Variants in PVT1 observed in about 807,000 individuals in gnomAD.
The protein encoded by PVT1 is CXCR4/PVT1 fusion.
intron 2 of PVT1, among the ~76,000 whole-genome samples, chr8:127,864,221 G>T (rs1480880754): frequency 6.6e-6 from 1 of 152,140 alleles, no homozygotes; most frequent in African/African-American, 2.4e-5. Flanking sequence ...TTCAGTGTGG[G>T]TTGGAATGCT....
chr8:127,830,777 C>T (rs1332207317), intron 2 of PVT1, among the ~76,000 whole-genome samples: 1 of 152,006 alleles, frequency 6.6e-6, no homozygotes, highest in Non-Finnish European at 1.5e-5. Flanking sequence ...AAGGCAGACC[C>T]ACCCTTAAGC....
chr8:128,043,830 C>CTGTTT (rs1244929006), intron 4 of PVT1, among the ~76,000 whole-genome samples: 2,229 of 116,226 alleles, frequency 0.019, 109 homozygotes, highest in African/African-American at 0.067. Flanking sequence ...AACATCTTGT[C>CTGTTT]TTTTTTTTTT....
intron 5 of PVT1, among the ~76,000 whole-genome samples, chr8:128,079,160 C>G (rs1475460365): frequency 1.3e-5 from 2 of 152,080 alleles, no homozygotes; most frequent in African/African-American, 4.8e-5. Context: ...TTGTGATGAA[C>G]TACAGGTTGC....
At chr8:127,944,290 A>T (rs1026585521) in intron 3 of PVT1, among the ~76,000 whole-genome samples, 3 of 152,064 alleles carry the variant, frequency 2.0e-5, no homozygotes, top group Non-Finnish European at 4.4e-5. Context: ...TAGAGAAGGG[A>T]ATGTAAGTCA....
intron 3 of PVT1, among the ~76,000 whole-genome samples, chr8:127,960,367 AG>A (rs923222692): frequency 1.5e-4 from 23 of 152,100 alleles, no homozygotes; most frequent in Non-Finnish European, 1.5e-5. Context: ...TGCCTCCTGG[AG>A]GCCTGTAGAT....
At chr8:127,946,290 A>G (rs1816419764) in intron 3 of PVT1, among the ~76,000 whole-genome samples, 1 of 152,248 alleles carries the variant, frequency 6.6e-6, no homozygotes, top group African/African-American at 2.4e-5. Flanking sequence ...TGTAAGAGCA[A>G]GCAAAACAGA....
intron 3 of PVT1, among the ~76,000 whole-genome samples, chr8:127,975,697 C>T (rs990464356): frequency 6.6e-6 from 1 of 152,216 alleles, no homozygotes; most frequent in African/African-American, 2.4e-5. Context: ...TCAAACTTAA[C>T]AGTTGTCCCC....
intron 3 of PVT1, among the ~76,000 whole-genome samples, chr8:127,961,477 G>A (rs1816642136): frequency 6.6e-6 from 1 of 152,212 alleles, no homozygotes; most frequent in South Asian, 2.1e-4. Flanking sequence ...AGGAAATGCG[G>A]AGGTGATGGG....
rs138620952 is a variant in PVT1 at position 127,814,426 on chromosome 8, A to G, written n.372+18355A>G. Reference sequence around the variant, plus strand: ...TTCTTCCCCAGCTCAGGAGGGGCTGAGTTGTGTCTTAATGAGCAGTTCCAG... The same window carrying G: ...TTCTTCCCCAGCTCAGGAGGGGCTGGGTTGTGTCTTAATGAGCAGTTCCAG... On this transcript the variant is annotated intron_variant and non_coding_transcript_variant, in intron 2 of 10. Transcript: ENST00000651587. Among the ~76,000 whole-genome samples the G allele has an allele frequency of 4.9e-3, 741 of 152,230 alleles. 6 individuals carry two copies. The highest frequency in any genetic ancestry group is 0.017 in the African/African-American group (696 of 41,538).
At chr8:127,839,543 C>T (rs1814948598) in intron 2 of PVT1, among the ~76,000 whole-genome samples, 1 of 139,106 alleles carries the variant, frequency 7.2e-6, no homozygotes, top group East Asian at 2.1e-4. Context: ...GAGTGAGATC[C>T]TATCTCAAAA....
At chr8:127,817,320 C>T (rs1250620864) in intron 2 of PVT1, among the ~76,000 whole-genome samples, 1 of 148,734 alleles carries the variant, frequency 6.7e-6, no homozygotes, top group African/African-American at 2.5e-5. Context: ...CTGTCTACCT[C>T]AGTAGTTTCC....
chr8:127,866,463 G>A (rs983509856), intron 2 of PVT1, among the ~76,000 whole-genome samples: 3 of 152,146 alleles, frequency 2.0e-5, no homozygotes, highest in African/African-American at 7.2e-5. Flanking sequence ...CATAGGCACT[G>A]GGACATCCTG....
chr8:127,978,790 A>G (rs1467574654), intron 3 of PVT1, among the ~76,000 whole-genome samples: 2 of 147,642 alleles, frequency 1.4e-5, no homozygotes, highest in Non-Finnish European at 2.9e-5. Context: ...CCGGACCATT[A>G]TTATTATAAT....
intron 4 of PVT1, among the ~76,000 whole-genome samples, chr8:128,008,364 C>T (rs1337787317): frequency 6.6e-6 from 1 of 152,194 alleles, no homozygotes; most frequent in South Asian, 2.1e-4. Context: ...TGACTTGTTA[C>T]AAATATCGAC....
At chr8:127,971,977 CA>C (rs1276950148) in intron 3 of PVT1, among the ~76,000 whole-genome samples, 12 of 152,238 alleles carry the variant, frequency 7.9e-5, no homozygotes, top group African/African-American at 2.7e-4. Context: ...CTCCTCTACT[CA>C]GATCGCCCTT....
At chr8:127,970,990 A>T (rs768769868) in intron 3 of PVT1, among the ~76,000 whole-genome samples, 2 of 152,222 alleles carry the variant, frequency 1.3e-5, no homozygotes, top group African/African-American at 4.8e-5. Context: ...AGCCATGTCA[A>T]TTCTTCTATG....
intron 4 of PVT1, among the ~76,000 whole-genome samples, chr8:128,067,954 T>G (rs1031571350): frequency 9.0e-4 from 18 of 20,056 alleles, no homozygotes; most frequent in South Asian, 3.0e-3. Context: ...ATACTTTGTG[T>G]TTTTTTTTTT....
At chr8:127,901,298 G>A (rs62512784) in intron 3 of PVT1, among the ~76,000 whole-genome samples, 17 of 152,130 alleles carry the variant, frequency 1.1e-4, no homozygotes, top group Non-Finnish European at 1.8e-4. Context: ...ACTCACTGAG[G>A]GTTATCCAAG....
chr8:127,864,575 TCTTG>T (rs1248933093), intron 2 of PVT1, among the ~76,000 whole-genome samples: 1 of 151,582 alleles, frequency 6.6e-6, no homozygotes, highest in Non-Finnish European at 1.5e-5. Flanking sequence ...TGAGACAGAG[TCTTG>T]CTCTGTCACC....
Sources: gnomAD v4.1 joint callset for allele counts (sites outside exome capture counted in the v4.1 genomes callset) on GRCh38, gnomAD v4.1.1 for gene constraint, MANE v1.5 for transcripts, NCBI Gene and HGNC (gene_info 2026-07-23, HGNC 2026-07-21) for gene names.